SYCE3: variants seen among roughly 807,000 people sequenced by gnomAD.
The protein encoded by SYCE3 is testis highly expressed gene 2 protein.
Under a neutral mutation model 8.1 loss-of-function variants are expected in SYCE3, and 3 were observed. That is an observed-to-expected ratio of 0.37 (90% CI 0.17 to 0.96). The LOEUF (loss-of-function observed/expected upper bound fraction) is 0.96. SYCE3 is among the 40% of genes least tolerant of loss of function. The pLI, the probability that SYCE3 is intolerant of heterozygous loss-of-function variation, is 0.41. For missense variants in SYCE3, 83 were observed against 110.0 expected, an observed-to-expected ratio of 0.75 and a Z score of 1.10; for synonymous variants, 36 against 38.7, an observed-to-expected ratio of 0.93 and a Z score of 0.26.
At chr22:50,555,818 G>A (rs1388622625) in intron 2 of SYCE3, among the ~76,000 whole-genome samples, 2 of 137,864 alleles carry the variant, frequency 1.5e-5, no homozygotes, top group Non-Finnish European at 3.1e-5. Context: ...TTTTGAGACA[G>A]AGTCTCACTC....
chr22:50,554,137 G>T (rs1017275691), intron 2 of SYCE3, among the ~76,000 whole-genome samples: 3 of 151,260 alleles, frequency 2.0e-5, no homozygotes, highest in Non-Finnish European at 2.9e-5. Context: ...AGAGCTTGCA[G>T]TGAGCCGAGA....
At chr22:50,552,418 C>T (rs1224988483) in intron 2 of SYCE3, among the ~76,000 whole-genome samples, 15 of 151,614 alleles carry the variant, frequency 9.9e-5, no homozygotes, top group Non-Finnish European at 1.6e-4. Flanking sequence ...TTTGGGAGGC[C>T]AAGGGGGGTA....
intron 2 of SYCE3, among the ~76,000 whole-genome samples, chr22:50,552,187 A>G (rs2069815778): frequency 6.6e-6 from 1 of 152,148 alleles, no homozygotes; most frequent in African/African-American, 2.4e-5. Context: ...TAGCAAACAC[A>G]TCCCCTTAAA....
intron 1 of SYCE3, among the ~76,000 whole-genome samples, chr22:50,560,848 G>A (rs772342805): frequency 6.6e-6 from 1 of 152,142 alleles, no homozygotes; most frequent in African/African-American, 2.4e-5. Flanking sequence ...GAATAAGGTA[G>A]GTAGAGGTCA....
intron 2 of SYCE3, among the ~76,000 whole-genome samples, chr22:50,552,950 C>T (rs2069825194): frequency 6.6e-6 from 1 of 152,180 alleles, no homozygotes; most frequent in Non-Finnish European, 1.5e-5. Flanking sequence ...ATAATCCCAG[C>T]ACTTTGGGAG....
intron 1 of SYCE3, 79 bp from the exon 2 acceptor site, chr22:50,556,484 T>C: frequency 3.0e-6 from 3 of 995,640 alleles, no homozygotes; most frequent in South Asian, 2.9e-5. Context: ...AACTCAGTGA[T>C]TTCTCTAAGG....
At chr22:50,552,940 A>G in intron 2 of SYCE3, among the ~76,000 whole-genome samples, 1 of 151,666 alleles carries the variant, frequency 6.6e-6, no homozygotes, top group Admixed American at 6.6e-5. Context: ...GCTGGTACCT[A>G]TAATCCCAGC....
At chr22:50,551,524 C>A in intron 2 of SYCE3, 122 bp from the exon 3 acceptor site, 1 of 1,023,208 alleles carries the variant, frequency 9.8e-7, no homozygotes, top group East Asian at 2.6e-5. Context: ...TGCTGAGGCA[C>A]CCAATTACTC....
At chr22:50,561,776 A>C (rs73891282) in intron 1 of SYCE3, among the ~76,000 whole-genome samples, 15,778 of 151,312 alleles carry the variant, frequency 0.1, 1,102 homozygotes, top group African/African-American at 0.19. Flanking sequence ...TGAGAGCAGC[A>C]CAGGAAGGGA....
intron 1 of SYCE3, among the ~76,000 whole-genome samples, chr22:50,558,662 G>A (rs2069884077): frequency 6.6e-6 from 1 of 152,174 alleles, no homozygotes; most frequent in South Asian, 2.1e-4. Context: ...TTGGTAAGTA[G>A]GAATAGTTTG....
chr22:50,557,157 G>GTTTT (rs60714079), intron 1 of SYCE3, among the ~76,000 whole-genome samples: 1 of 137,974 alleles, frequency 7.2e-6, no homozygotes. Context: ...ATTTTTTTGA[G>GTTTT]TTTTTTTTTT....
rs141530442 is a variant in SYCE3 at position 50,560,362 on chromosome 22, C to T, written c.-1+2496G>A. ...AATAGCTGGGTGTGGTGGTGCGCAC[C>T]TCCAGTCCTAGTTACTCAGGAGGGT... On this transcript the variant is annotated intron_variant, in intron 1 of 2. Transcript: ENST00000406915. 2.2e-3 allele frequency among the ~76,000 whole-genome samples: 332 copies of T among 152,118 alleles called. 2 individuals are homozygous for T. Among genetic ancestry groups the T allele is most frequent in the African/African-American group, 7.9e-3 (326 of 41,478 alleles).
At chr22:50,554,262 TA>T (rs920829630) in intron 2 of SYCE3, among the ~76,000 whole-genome samples, 2 of 151,408 alleles carry the variant, frequency 1.3e-5, no homozygotes, top group African/African-American at 4.9e-5. Flanking sequence ...GATTAAATGT[TA>T]AAAAGGAATA....
intron 1 of SYCE3, among the ~76,000 whole-genome samples, chr22:50,560,167 T>G (rs915076164): frequency 1.3e-5 from 2 of 152,086 alleles, no homozygotes; most frequent in African/African-American, 2.4e-5. Flanking sequence ...TTATTTTAAG[T>G]TGGGAGATAT....
intron 2 of SYCE3, among the ~76,000 whole-genome samples, chr22:50,555,884 C>A (rs1465201476): frequency 6.6e-6 from 1 of 151,704 alleles, no homozygotes; most frequent in African/African-American, 2.4e-5. Flanking sequence ...AGCTCCACCT[C>A]CCGGGTTCAT....
Position 50,551,314 on chromosome 22 carries a change from G to A in SYCE3, c.198C>T (p.Phe66=), listed in dbSNP as rs745812706. Residue 66 remains phenylalanine, a synonymous_variant, in exon 3 of 3, where the codon TTC becomes TTT. Transcript: ENST00000406915. ...TCTCCATCTCCTCCTTGCAGTTGAC[G>A]AAGGCATCCTCCAGCCGACGCATGG... ...AESMRRLEDA[F]VNCKEEMEKN... 82 of 1,551,124 alleles carry A rather than the reference G, an allele frequency of 5.3e-5. No homozygotes were observed. The highest frequency in any genetic ancestry group is 6.5e-5 in the Non-Finnish European group (75 of 1,146,976).
chr22:50,561,025 G>A (rs2069909271), intron 1 of SYCE3, among the ~76,000 whole-genome samples: 1 of 152,154 alleles, frequency 6.6e-6, no homozygotes, highest in African/African-American at 2.4e-5. Flanking sequence ...ATGTGACTGA[G>A]GCCACATGGC....
intron 2 of SYCE3, among the ~76,000 whole-genome samples, chr22:50,553,085 C>T (rs113214088): frequency 6.6e-6 from 1 of 152,104 alleles, no homozygotes; most frequent in Non-Finnish European, 1.5e-5. Context: ...GTAGTTGCAA[C>T]TACTCAGGAG....
chr22:50,551,794 A>T (rs2069812433), intron 2 of SYCE3, among the ~76,000 whole-genome samples: 1 of 152,200 alleles, frequency 6.6e-6, no homozygotes, highest in African/African-American at 2.4e-5. Flanking sequence ...ACTCAGGTAG[A>T]GTTGATTGTT....
Sources: gnomAD v4.1 joint callset for allele counts (sites outside exome capture counted in the v4.1 genomes callset) on GRCh38, gnomAD v4.1.1 for gene constraint, MANE v1.5 for transcripts, NCBI Gene and HGNC (gene_info 2026-07-23, HGNC 2026-07-21) for gene names.